CTSB: variants seen among roughly 807,000 people sequenced by gnomAD.
CTSB encodes the protein cathepsin B, also known as APP secretase.
Under a neutral mutation model 44.3 loss-of-function variants are expected in CTSB, and 57 were observed. That is an observed-to-expected ratio of 1.29 (90% CI 1.04 to 1.60). The LOEUF is 1.60. Among genes scored for constraint, CTSB ranks in the 40% most tolerant of loss-of-function variants. CTSB has a pLI of 0.00. For missense variants in CTSB, 768 were observed against 443.0 expected, an observed-to-expected ratio of 1.73 and a Z score of -6.59; for synonymous variants, 320 against 168.0, an observed-to-expected ratio of 1.91 and a Z score of -7.00.
intron 1 of CTSB, among the ~76,000 whole-genome samples, chr8:11,859,172 C>T (rs1190569939): frequency 6.6e-6 from 1 of 152,150 alleles, no homozygotes; most frequent in Non-Finnish European, 1.5e-5. Context: ...TATCCTCTCT[C>T]TCCAAACCTG....
rs374373732 is a variant in CTSB at position 11,847,065 on chromosome 8, C to T, written c.780G>A (p.Leu260=). The part of the protein sequence containing the change: ...EGAFSVYSDF[L]LYKSGVYQHV... Reference sequence around the variant, plus strand: ...ATCAGCACGCACCTGACTTGTAGAGCAGGAAGTCCGAATACACAGAGAAAG... The same window carrying T: ...ATCAGCACGCACCTGACTTGTAGAGTAGGAAGTCCGAATACACAGAGAAAG... The change falls in exon 8 of 10, where the codon CTG becomes CTA. Residue 260 remains leucine (L), a synonymous_variant. Coordinates refer to ENST00000353047, the MANE Select transcript of CTSB (RefSeq NM_001908.5). 66 of 1,601,212 alleles carry T rather than the reference C, an allele frequency of 4.1e-5. No homozygotes were observed. The highest frequency in any genetic ancestry group is 5.1e-5 in the Non-Finnish European group (60 of 1,168,432).
chr8:11,854,946 G>C (rs773728475), intron 1 of CTSB: 1 of 152,326 alleles, frequency 6.6e-6, no homozygotes, highest in Non-Finnish European at 1.5e-5. Context: ...ACAGGACAGT[G>C]CTTGTACAAG....
intron 5 of CTSB, 60 bp downstream of exon 5, chr8:11,848,986 G>C (rs567541253): frequency 7.7e-6 from 10 of 1,298,946 alleles, no homozygotes; most frequent in East Asian, 4.7e-5. Context: ...CCTCCACTGA[G>C]AAGCTGGGGC....
rs201526419 is a variant in CTSB, at chr8:11,852,631, C to G, written c.191G>C (p.Gly64Ala). ...TCACCTCTGGGGTGGCTTGGGCCCA[C>G]CCAGGAAGGTACCACATAGCCTCTT... is the stretch of plus-strand genomic sequence containing the variant. ...YLKRLCGTFL[G>A]GPKPPQRVMF... Residue 64 changes from glycine (G) to alanine (A), a missense_variant, in exon 3 of 10, where the codon GGT becomes GCT. Gly to Ala is a moderately conservative substitution (Grantham distance 60). Coordinates refer to ENST00000353047, the MANE Select transcript of CTSB (RefSeq NM_001908.5). The G allele has an allele frequency of 1.8e-5, 29 of 1,613,868 alleles. 1 individual carries two copies. The highest frequency in any genetic ancestry group is 1.8e-4 in the South Asian group (16 of 91,078).
chr8:11,854,004 G>A (rs140119897), intron 1 of CTSB, among the ~76,000 whole-genome samples: 364 of 150,672 alleles, frequency 2.4e-3, no homozygotes, highest in African/African-American at 7.5e-3. Flanking sequence ...ACCCACTCCC[G>A]GGGCCTCTCT....
In CTSB at chr8:11,843,627, C is replaced by G. The variant is rs1284777460; in HGVS notation, c.*1498G>C. 2 of 152,222 alleles carry G rather than the reference C, an allele frequency of 1.3e-5. No individual in the cohort carries two copies. The highest frequency in any genetic ancestry group is 2.9e-5 in the Non-Finnish European group (2 of 68,040). 9.4% of individuals were successfully genotyped at this position (152,222 alleles called of 1,614,324 possible). ...AGCCCAAACCAAGGCTGGAGGGCAT[C>G]CAGGGGGATGTGGTTCCCCACGGGG... On this transcript the variant is annotated 3_prime_UTR_variant, in exon 10 of 10. Transcript: ENST00000353047.
At chr8:11,847,278 T>C (rs772035893) in intron 7 of CTSB, 110 bp from the exon 8 acceptor site, 72 of 736,048 alleles carry the variant, frequency 9.8e-5, no homozygotes, top group Non-Finnish European at 1.5e-4. Flanking sequence ...AGACTGCATC[T>C]AAGGGGACTT....
chr8:11,851,066 C>G, intron 3 of CTSB, 86 bp from the exon 4 acceptor site: 2 of 839,728 alleles, frequency 2.4e-6, no homozygotes, highest in East Asian at 2.7e-5. Flanking sequence ...CTGGGCCACA[C>G]TCCCCTAACA....
chr8:11,855,185 C>T (rs1187961470), intron 1 of CTSB, among the ~76,000 whole-genome samples: 1 of 152,148 alleles, frequency 6.6e-6, no homozygotes, highest in African/African-American at 2.4e-5. Context: ...TCATGCCCAG[C>T]TAATTTTCAT....
At chr8:11,847,438 GT>G (rs1361069225) in intron 7 of CTSB, among the ~76,000 whole-genome samples, 1 of 152,206 alleles carries the variant, frequency 6.6e-6, no homozygotes, top group African/African-American at 2.4e-5. Context: ...CCACTCCCTT[GT>G]AAAAGGAGGG....
At chr8:11,849,198 A>G in intron 4 of CTSB, 34 bp from the exon 5 acceptor site, 3 of 1,581,832 alleles carry the variant, frequency 1.9e-6, no homozygotes, top group Non-Finnish European at 2.6e-6. Context: ...TGAGGCTGCC[A>G]TGTCCGGGCT....
intron 7 of CTSB, among the ~76,000 whole-genome samples, chr8:11,847,396 G>A (rs148348117): frequency 3.8e-4 from 58 of 152,316 alleles, no homozygotes; most frequent in Non-Finnish European, 7.5e-4. Context: ...GGCCCCGGAA[G>A]AGGCCAGGAT....
At position 11,849,139 on chromosome 8, in the gene CTSB, G is replaced by C; in HGVS notation, c.353C>G (p.Ser118Cys). The change falls in exon 5 of 10, where the codon TCT (serine) becomes TGT (cysteine). Residue 118 changes from serine to cysteine, a missense_variant. By Grantham distance (112) the Ser-to-Cys change is moderately radical. Transcript: ENST00000353047. ...ATTGGTGTGGATGCAGATCCGGTCA[G>C]AGATGGCTTCCACAGCCCCGAAGGC... ...CWAFGAVEAI[S>C]DRICIHTNAH... 1.9e-6 allele frequency: 3 copies of C among 1,613,040 alleles called. No individual in the cohort carries two copies. Among genetic ancestry groups the C allele is most frequent in the Non-Finnish European group, 2.5e-6 (3 of 1,179,826 alleles).
rs1476387848 is a variant in CTSB at position 11,845,135 on chromosome 8, T to TC, written c.1009dup (p.Glu337GlyfsTer20). On this transcript the variant is annotated frameshift_variant, in exon 10 of 10. Coordinates refer to ENST00000353047, the MANE Select transcript of CTSB (RefSeq NM_001908.5). LOFTEE classifies it high-confidence loss of function. ...CAGGCCCACGGCAGATTAGATCTTT[T>TC]CCCAGTACTGATCGGTGCGTGGAAT... 1 of 1,612,680 alleles carries TC rather than the reference T, an allele frequency of 6.2e-7. No individual in the cohort carries two copies. The highest frequency in any genetic ancestry group is 1.7e-5 in the Admixed American group (1 of 60,012).
intron 1 of CTSB, among the ~76,000 whole-genome samples, chr8:11,855,449 G>A (rs780057690): frequency 6.6e-6 from 1 of 152,242 alleles, no homozygotes; most frequent in Non-Finnish European, 1.5e-5. Context: ...TTGAGGCCAG[G>A]TGTTCAACAC....
chr8:11,850,591 T>G, intron 4 of CTSB: 1 of 303,456 alleles, frequency 3.3e-6, no homozygotes, highest in Non-Finnish European at 6.2e-6. Flanking sequence ...CTCCTGGTAT[T>G]TGCGGACGGG....
chr8:11,846,933 C>A, intron 8 of CTSB, 119 bp downstream of exon 8: 2 of 708,672 alleles, frequency 2.8e-6, no homozygotes, highest in Non-Finnish European at 5.2e-6. Flanking sequence ...ACACAGCCCT[C>A]TTCCCCAGCC....
chr8:11,846,971 A>T, intron 8 of CTSB, 81 bp downstream of exon 8: 1 of 770,232 alleles, frequency 1.3e-6, no homozygotes, highest in Non-Finnish European at 2.3e-6. Context: ...ATCCAGCCCT[A>T]TTGGTCAACA....
In CTSB at chr8:11,843,608, A is replaced by T. The variant is rs1471996698; in HGVS notation, c.*1517T>A. 2.0e-5 allele frequency: 3 copies of T among 152,250 alleles called. No individual in the cohort carries two copies. Among genetic ancestry groups the T allele is most frequent in the African/African-American group, 7.2e-5 (3 of 41,458 alleles). 9.4% of individuals were successfully genotyped at this position (152,250 alleles called of 1,614,324 possible). On this transcript the variant is annotated 3_prime_UTR_variant, in exon 10 of 10. Coordinates refer to ENST00000353047, the MANE Select transcript of CTSB (RefSeq NM_001908.5). ...GTATACAGGCCCTGACTCCAGCCCA[A>T]ACCAAGGCTGGAGGGCATCCAGGGG...
Sources: allele counts gnomAD v4.1 joint callset (sites outside exome capture counted in the v4.1 genomes callset), GRCh38; gene constraint gnomAD v4.1.1; transcripts MANE v1.5; gene names NCBI Gene and HGNC (gene_info 2026-07-23, HGNC 2026-07-21).